SLC49A4: variants seen among roughly 807,000 people sequenced by gnomAD.
The protein encoded by SLC49A4 is solute carrier family 49 member 4, also known as disrupted in renal cancer protein 2.
In SLC49A4, 36 loss-of-function variants were observed where a neutral mutation model predicts 50.6. The ratio of observed to expected loss-of-function variants is 0.71; its 90% CI spans 0.55 to 0.94. SLC49A4 has a LOEUF of 0.94. Ranked by LOEUF, SLC49A4 falls within the 40% of genes least tolerant of loss-of-function variation. The probability of loss-of-function intolerance (pLI) is 0.00; values close to 1 mark genes in which losing one functional copy is unlikely to be tolerated. For missense variants in SLC49A4, 503 were observed against 605.7 expected (o/e 0.83, Z 1.78); for synonymous variants, 248 against 241.2 (o/e 1.03, Z -0.26).
chr3:122,806,805 A>G (rs1936224900), intron 1 of SLC49A4, 52 bp from the exon 2 acceptor site: 2 of 1,105,268 alleles, frequency 1.8e-6, no homozygotes, highest in Admixed American at 3.4e-5. Context: ...TATTTTTAAC[A>G]TTGGACTTAG....
intron 2 of SLC49A4, among the ~76,000 whole-genome samples, chr3:122,819,799 C>CA (rs1179450532): frequency 6.7e-6 from 1 of 150,234 alleles, no homozygotes; most frequent in Non-Finnish European, 1.5e-5. Context: ...TTTTCAACAT[C>CA]AAAAAAATCC....
intron 3 of SLC49A4, among the ~76,000 whole-genome samples, chr3:122,830,452 G>T (rs901661993): frequency 6.6e-6 from 1 of 152,140 alleles, no homozygotes; most frequent in Admixed American, 6.5e-5. Flanking sequence ...CTGGCATAAG[G>T]ATAGGCATAT....
chr3:122,855,939 A>T (rs1410404599), intron 5 of SLC49A4, among the ~76,000 whole-genome samples: 1 of 152,082 alleles, frequency 6.6e-6, no homozygotes, highest in African/African-American at 2.4e-5. Flanking sequence ...ATACATTTTT[A>T]GTTGTTGCCC....
At position 122,862,586 on chromosome 3, in the gene SLC49A4, A is replaced by G. The variant is rs1024927495; in HGVS notation, c.1138+2384A>G. Among the ~76,000 whole-genome samples, 4 of 152,210 alleles carry G rather than the reference A, an allele frequency of 2.6e-5. No individual in the cohort carries two copies. The South Asian group carries it at 6.2e-4, about 24-fold the overall frequency. On this transcript the variant is annotated intron_variant, in intron 7 of 8. Transcript: ENST00000261038. ...TAGCAGTTGTACAACATTCTGGTGG[A>G]ACAGTCTTAGTTTACAACTCTTCTT...
At position 122,802,496 on chromosome 3, in the gene SLC49A4, A is replaced by G. The variant is rs576225008; in HGVS notation, c.344-4361A>G. 5.3e-5 allele frequency among the ~76,000 whole-genome samples: 8 copies of G among 152,352 alleles called. No individual in the cohort carries two copies. In the South Asian group the frequency reaches 1.7e-3, roughly 32 times the overall value. On this transcript the variant is annotated intron_variant, in intron 1 of 8. Transcript: ENST00000261038. The stretch of plus-strand genomic sequence containing the variant: ...CTGATCAGAGGATACATGTGAGGAA[A>G]TTAGCCAAGACTGGAGGAAGGACTG...
intron 6 of SLC49A4, among the ~76,000 whole-genome samples, chr3:122,859,535 A>C (rs1229649769): frequency 6.6e-6 from 1 of 152,172 alleles, no homozygotes; most frequent in African/African-American, 2.4e-5. Context: ...ATATGAAGAA[A>C]ATGACAGTGA....
At chr3:122,795,611 A>G in intron 1 of SLC49A4, 76 bp downstream of exon 1, 1 of 1,506,498 alleles carries the variant, frequency 6.6e-7, no homozygotes, top group Non-Finnish European at 8.8e-7. Context: ...CAGGCCTGCC[A>G]GCCGCCTCCC....
At chr3:122,855,200 T>C (rs1467050477) in intron 5 of SLC49A4, among the ~76,000 whole-genome samples, 1 of 152,190 alleles carries the variant, frequency 6.6e-6, no homozygotes, top group East Asian at 1.9e-4. Context: ...TTGGACTTTG[T>C]CCTGTAACCA....
intron 2 of SLC49A4, among the ~76,000 whole-genome samples, chr3:122,819,623 G>A (rs1196321229): frequency 6.6e-6 from 1 of 152,162 alleles, no homozygotes; most frequent in Non-Finnish European, 1.5e-5. Flanking sequence ...AACTGAGGCT[G>A]TGATACCAAA....
chr3:122,860,233 A>T, intron 7 of SLC49A4, 31 bp downstream of exon 7: 1 of 1,549,558 alleles, frequency 6.5e-7, no homozygotes, highest in Non-Finnish European at 8.7e-7. Flanking sequence ...AACTTTTAAT[A>T]AATATTTTCA....
chr3:122,811,393 CTATT>C (rs1488723824), intron 2 of SLC49A4, among the ~76,000 whole-genome samples: 1 of 152,124 alleles, frequency 6.6e-6, no homozygotes, highest in Non-Finnish European at 1.5e-5. Context: ...AGACAGATGT[CTATT>C]TACTGGCAAA....
intron 7 of SLC49A4, among the ~76,000 whole-genome samples, chr3:122,869,975 ACT>A (rs1937175014): frequency 6.7e-6 from 1 of 148,782 alleles, no homozygotes; most frequent in Non-Finnish European, 1.5e-5. Context: ...TCTTTTCAAG[ACT>A]CTATATTGAT....
intron 2 of SLC49A4, among the ~76,000 whole-genome samples, chr3:122,813,759 T>C (rs1009558928): frequency 6.6e-6 from 1 of 152,188 alleles, no homozygotes; most frequent in Admixed American, 6.5e-5. Flanking sequence ...TTGATAACAA[T>C]TTAACATATA....
chr3:122,849,850 T>G (rs1936901682), intron 5 of SLC49A4, among the ~76,000 whole-genome samples: 1 of 152,172 alleles, frequency 6.6e-6, no homozygotes, highest in African/African-American at 2.4e-5. Flanking sequence ...TTTGTCTGAT[T>G]TTGCTTTTGT....
intron 5 of SLC49A4, among the ~76,000 whole-genome samples, chr3:122,846,900 A>G (rs1936860786): frequency 6.6e-6 from 1 of 152,194 alleles, no homozygotes; most frequent in Non-Finnish European, 1.5e-5. Flanking sequence ...GGCTCCCCAG[A>G]GGACTTTGGG....
chr3:122,827,930 G>A (rs868697987), intron 3 of SLC49A4, among the ~76,000 whole-genome samples: 1 of 152,238 alleles, frequency 6.6e-6, no homozygotes, highest in African/African-American at 2.4e-5. Flanking sequence ...TGAGTGGTTA[G>A]TGTATTCCAT....
chr3:122,820,143 G>C (rs1189036074), intron 2 of SLC49A4, among the ~76,000 whole-genome samples: 1 of 152,090 alleles, frequency 6.6e-6, no homozygotes. Context: ...TGTGCCTTTG[G>C]ATTTAAGGAA....
chr3:122,856,532 G>T (rs138221795), intron 6 of SLC49A4, among the ~76,000 whole-genome samples, 158 bp downstream of exon 6: 22 of 152,276 alleles, frequency 1.4e-4, no homozygotes, highest in Admixed American at 3.9e-4. Context: ...ATTCATATGC[G>T]TTATATAGAA....
At position 122,872,615 on chromosome 3, in the gene SLC49A4, T is replaced by G; in HGVS notation, c.1321+18T>G. Reference sequence around the variant, plus strand: ...TCATACAGGTAAGAAATTTGATTTTTTATTTACTATCTAAATGTGTTACAA... The same window carrying G: ...TCATACAGGTAAGAAATTTGATTTTGTATTTACTATCTAAATGTGTTACAA... On this transcript the variant is annotated intron_variant, in intron 8 of 8. Transcript: ENST00000261038. 1 of 1,537,554 alleles carries G rather than the reference T, an allele frequency of 6.5e-7. No homozygotes were observed. Among genetic ancestry groups the G allele is most frequent in the South Asian group, 1.2e-5 (1 of 83,278 alleles).
Sources: gnomAD v4.1 joint callset for allele counts (sites outside exome capture counted in the v4.1 genomes callset) on GRCh38, gnomAD v4.1.1 for gene constraint, MANE v1.5 for transcripts, NCBI Gene and HGNC (gene_info 2026-07-23, HGNC 2026-07-21) for gene names.